The following NFAT5 variants were observed in gnomAD, a reference collection of about 807,000 sequenced individuals.
NFAT5 encodes the protein nuclear factor of activated T-cells 5.
Under a neutral mutation model 166.5 loss-of-function variants are expected in NFAT5, and 31 were observed. That is an observed-to-expected ratio of 0.19 (90% confidence interval 0.14 to 0.25). The LOEUF (loss-of-function observed/expected upper bound fraction) is 0.25, where lower values mean the gene tolerates loss of function less well. Ranked by LOEUF, NFAT5 falls within the 10% of genes least tolerant of loss-of-function variation. NFAT5 has a pLI of 1.00. For missense variants in NFAT5, 1,449 were observed against 1,821.8 expected (o/e 0.80, Z 3.72); for synonymous variants, 612 against 639.7 (o/e 0.96, Z 0.65).
At chr16:69,633,992 C>A (rs1384313193) in intron 3 of NFAT5, among the ~76,000 whole-genome samples, 1 of 151,586 alleles carries the variant, frequency 6.6e-6, no homozygotes, top group East Asian at 1.9e-4. Flanking sequence ...AAAAATCATA[C>A]ATGGGCCAGG....
intron 2 of NFAT5, among the ~76,000 whole-genome samples, chr16:69,623,371 A>G (rs1234933242): frequency 6.7e-6 from 1 of 150,242 alleles, no homozygotes; most frequent in African/African-American, 2.5e-5. Flanking sequence ...TTTGTTGGCC[A>G]GGCTGAAGTG....
intron 2 of NFAT5, among the ~76,000 whole-genome samples, chr16:69,587,006 A>G (rs1278305834): frequency 6.6e-6 from 1 of 152,144 alleles, no homozygotes; most frequent in Non-Finnish European, 1.5e-5. Context: ...TCTAGGTATG[A>G]TTGTATTCAT....
chr16:69,599,299 A>G (rs2032995297), intron 2 of NFAT5, among the ~76,000 whole-genome samples: 1 of 152,030 alleles, frequency 6.6e-6, no homozygotes, highest in African/African-American at 2.4e-5. Flanking sequence ...GGAGTTGGCC[A>G]GGCTCAGTGG....
At chr16:69,620,340 C>T (rs1027137479) in intron 2 of NFAT5, among the ~76,000 whole-genome samples, 1 of 152,292 alleles carries the variant, frequency 6.6e-6, no homozygotes, top group Non-Finnish European at 1.5e-5. Context: ...AGTGCACTTA[C>T]CGTGGCATTT....
chr16:69,691,665 T>G (rs1265045700), intron 12 of NFAT5, 84 bp from the exon 13 acceptor site: 1 of 1,068,886 alleles, frequency 9.4e-7, no homozygotes, highest in African/African-American at 1.6e-5. Flanking sequence ...CATATATTTT[T>G]AGAGCAATAG....
Position 69,688,053 on chromosome 16 carries a change from G to A in NFAT5, c.1775-2887G>A, listed in dbSNP as rs141403511. 8.8e-3 allele frequency among the ~76,000 whole-genome samples: 1,321 copies of A among 150,776 alleles called. 18 individuals are homozygous for A. Among genetic ancestry groups the A allele is most frequent in the African/African-American group, 0.031 (1,264 of 41,100 alleles). On this transcript the variant is annotated intron_variant, in intron 11 of 14. Coordinates refer to ENST00000349945, the MANE Select transcript of NFAT5 (RefSeq NM_138713.4). The stretch of plus-strand genomic sequence containing the variant: ...ACTAAAAATACAAAAAAAATTAGCC[G>A]GGCGCGGTGGCGGGCGCCTGTAGTC...
chr16:69,595,432 A>G (rs2032736899), intron 2 of NFAT5, among the ~76,000 whole-genome samples: 1 of 152,148 alleles, frequency 6.6e-6, no homozygotes, highest in Non-Finnish European at 1.5e-5. Context: ...TTCTGGTGCA[A>G]CATATTGCTG....
Position 69,691,786 on chromosome 16 carries a change from A to G in NFAT5, c.1961A>G (p.Glu654Gly). ...KSVGSTQQTL[E>G]NISNIAGNGS... ...GTTGGATCAACTCAGCAAACATTAG[A>G]AAACATCTCAAACATAGCAGGAAAT... is the stretch of plus-strand genomic sequence containing the variant. Residue 654 changes from glutamate (E) to glycine (G), a missense_variant, in exon 13 of 15, where the codon GAA (glutamate) becomes GGA (glycine). By Grantham distance (98) the Glu-to-Gly change is moderately conservative. Transcript: ENST00000349945. The G allele has an allele frequency of 1.2e-6, 2 of 1,614,100 alleles. No individual in the cohort carries two copies. Among genetic ancestry groups the G allele is most frequent in the Non-Finnish European group, 1.7e-6 (2 of 1,180,012 alleles).
chr16:69,617,286 T>C (rs1475903816), intron 2 of NFAT5, among the ~76,000 whole-genome samples: 4 of 152,106 alleles, frequency 2.6e-5, no homozygotes, highest in African/African-American at 7.2e-5. Context: ...TTGTAAGATA[T>C]CTAAAAATTA....
chr16:69,685,154 C>A, intron 11 of NFAT5, 184 bp downstream of exon 11: 2 of 212,520 alleles, frequency 9.4e-6, no homozygotes, highest in East Asian at 8.8e-5. Flanking sequence ...TGATATTTTT[C>A]TTGCTGAATA....
At chr16:69,571,158 G>T (rs1449639206) in intron 2 of NFAT5, among the ~76,000 whole-genome samples, 4 of 52,486 alleles carry the variant, frequency 7.6e-5, no homozygotes, top group South Asian at 6.5e-4. Context: ...AAAAAAAAAA[G>T]CCAGGCATGG....
At chr16:69,568,393 TACAC>T in intron 1 of NFAT5, 98 bp from the exon 2 acceptor site, 2 of 501,670 alleles carry the variant, frequency 4.0e-6, no homozygotes, top group Admixed American at 6.6e-5. Context: ...TATATATATA[TACAC>T]ACACACACAT....
intron 2 of NFAT5, among the ~76,000 whole-genome samples, chr16:69,604,775 C>G (rs1434441744): frequency 6.6e-6 from 1 of 152,184 alleles, no homozygotes; most frequent in East Asian, 1.9e-4. Flanking sequence ...AATCTGTGTT[C>G]TATTGCTATG....
intron 2 of NFAT5, among the ~76,000 whole-genome samples, chr16:69,587,970 T>TG (rs1491405873): frequency 2.2e-5 from 3 of 138,852 alleles, no homozygotes; most frequent in Non-Finnish European, 4.5e-5. Context: ...TTTTTTTTTT[T>TG]GGGACAGAGT....
chr16:69,691,106 G>A lies in NFAT5; in HGVS notation c.1923+18G>A. On this transcript the variant is annotated intron_variant, in intron 12 of 14. Coordinates refer to ENST00000349945, the MANE Select transcript of NFAT5 (RefSeq NM_138713.4). ...TTTTTAAGGTAAGCTGTATTGACTA[G>A]TGCACAAACCTCCTATATAAAAATT... 6.6e-7 allele frequency: 1 copy of A among 1,513,098 alleles called. No individual in the cohort carries two copies. Among genetic ancestry groups the A allele is most frequent in the Non-Finnish European group, 8.8e-7 (1 of 1,130,528 alleles). The allele number at this position is 1,513,098 out of a possible 1,614,324, so 93.7% of individuals were successfully genotyped here.
intron 9 of NFAT5, among the ~76,000 whole-genome samples, chr16:69,674,765 G>T (rs1248184521): frequency 6.6e-6 from 1 of 152,092 alleles, no homozygotes; most frequent in African/African-American, 2.4e-5. Context: ...AAAATAAAAA[G>T]TATCTCATAG....
At chr16:69,601,107 A>G (rs1480324643) in intron 2 of NFAT5, among the ~76,000 whole-genome samples, 2 of 152,142 alleles carry the variant, frequency 1.3e-5, no homozygotes, top group Non-Finnish European at 2.9e-5. Flanking sequence ...ACACATACAC[A>G]CACACCCTTA....
chr16:69,595,665 C>T (rs1479056673), intron 2 of NFAT5, among the ~76,000 whole-genome samples: 3 of 152,176 alleles, frequency 2.0e-5, no homozygotes, highest in African/African-American at 7.2e-5. Context: ...TACCGTAGAT[C>T]TTAGCAGCCT....
intron 2 of NFAT5, among the ~76,000 whole-genome samples, chr16:69,624,894 TC>T (rs1429783481): frequency 7.0e-6 from 1 of 142,486 alleles, no homozygotes; most frequent in Non-Finnish European, 1.6e-5. Context: ...CTCTAATTGT[TC>T]TTTTTTTTAA....
Sources: allele counts gnomAD v4.1 joint callset (sites outside exome capture counted in the v4.1 genomes callset), GRCh38; gene constraint gnomAD v4.1.1; transcripts MANE v1.5; gene names NCBI Gene and HGNC (gene_info 2026-07-23, HGNC 2026-07-21).